Variants in MYBPH observed in about 807,000 individuals in gnomAD.
The protein encoded by MYBPH is myosin-binding protein H.
A neutral mutation model predicts 53.6 loss-of-function variants in MYBPH; 49 were observed. The ratio of observed to expected loss-of-function variants is 0.91; its 90% CI spans 0.73 to 1.16. The LOEUF (loss-of-function observed/expected upper bound fraction) is 1.16. Ranked by LOEUF, MYBPH falls within the 50% of genes most tolerant of loss-of-function variation. MYBPH has a pLI of 0.00. For synonymous variants in MYBPH, 239 were observed against 249.6 expected (o/e 0.96, Z 0.40); for missense variants, 558 against 624.1 (o/e 0.89, Z 1.13).
At chr1:203,169,232 C>G (rs773097342) in intron 8 of MYBPH, 21 bp downstream of exon 8, 1 of 1,592,450 alleles carries the variant, frequency 6.3e-7, no homozygotes, top group African/African-American at 1.3e-5. Context: ...GCCCAGGGCA[C>G]AACAGGGCCT....
chr1:203,176,933 T>C (rs1647528504), upstream of MYBPH, among the ~76,000 whole-genome samples: 5 of 152,284 alleles, frequency 3.3e-5, no homozygotes, highest in South Asian at 1.0e-3. Flanking sequence ...TTATTTGTAA[T>C]TGTTGAAATG....
chr1:203,172,395 T>G (rs1448803529), intron 3 of MYBPH, among the ~76,000 whole-genome samples: 1 of 152,138 alleles, frequency 6.6e-6, no homozygotes, highest in African/African-American at 2.4e-5. Context: ...TGTCTCCCCC[T>G]GCTGGGGAGC....
rs775863738 is a variant in MYBPH, at chr1:203,170,331, C to T, written c.1053G>A (p.Ser351=). ...FSENLCGLST[S]ATVTKELAHI... ...GGGCGAGCTCCTTGGTGACGGTGGC[C>T]GAGGTGCTGAGTCCACACAGGTTTT... is the stretch of plus-strand genomic sequence containing the variant. Residue 351 remains serine, a synonymous_variant, in exon 7 of 11, where the codon TCG becomes TCA. Transcript: ENST00000255416. 5.1e-5 allele frequency: 82 copies of T among 1,614,032 alleles called. No individual in the cohort carries two copies. The highest frequency in any genetic ancestry group is 1.6e-4 in the Middle Eastern group (1 of 6,084).
At chr1:203,169,157 C>G (rs1655646897) in intron 8 of MYBPH, 65 bp from the exon 9 acceptor site, 14 of 1,592,154 alleles carry the variant, frequency 8.8e-6, no homozygotes, top group Non-Finnish European at 1.2e-5. Context: ...CAACAGCTAT[C>G]CCCAGGCTTA....
chr1:203,169,415 G>A, intron 7 of MYBPH, 26 bp from the exon 8 acceptor site: 1 of 1,554,058 alleles, frequency 6.4e-7, no homozygotes, highest in Non-Finnish European at 8.7e-7. Flanking sequence ...AAAGTCGGGT[G>A]CATCTGAGCT....
Position 203,169,235 on chromosome 1 carries a change from C to T in MYBPH, c.1230+18G>A, listed in dbSNP as rs766658100. 4.4e-6 allele frequency: 7 copies of T among 1,593,700 alleles called. No homozygotes were observed. The highest frequency in any genetic ancestry group is 1.2e-5 in the South Asian group (1 of 86,478). ...CTGCCCCCACCAGCCCAGGGCACAACAGGGCCTGGCCCCTCACCTTGGGTG... is the reference window on the plus strand; with the variant it reads ...CTGCCCCCACCAGCCCAGGGCACAATAGGGCCTGGCCCCTCACCTTGGGTG... On this transcript the variant is annotated intron_variant, in intron 8 of 10. Transcript: ENST00000255416.
chr1:203,174,396 G>A (rs1479678377), intron 3 of MYBPH, 34 bp downstream of exon 3: 7 of 1,546,704 alleles, frequency 4.5e-6, no homozygotes, highest in Middle Eastern at 3.4e-4. Context: ...TGTTTGGGAA[G>A]GGCTGGGTAG....
In MYBPH at chr1:203,171,748, A is replaced by C. The variant is rs181988126; in HGVS notation, c.598-170T>G. On this transcript the variant is annotated intron_variant, in intron 4 of 10. Transcript: ENST00000255416. The surrounding 1 kb of genome is among the most constrained non-coding windows in gnomAD (Gnocchi z 4.2). ...GGTGCTGCCCACAGCCACATCTTCC[A>C]GGTGTCCATCCCGCTCTGGGGGCCC... Among the ~76,000 whole-genome samples the C allele has an allele frequency of 8.2e-4, 125 of 152,254 alleles. No homozygotes were observed. Among genetic ancestry groups the C allele is most frequent in the Non-Finnish European group, 1.2e-3 (79 of 67,990 alleles).
Position 203,170,280 on chromosome 1 carries a change from C to G in MYBPH, c.1093+11G>C. ...GAGAGTTAGCACAGCCAGCTCCGGG[C>G]CCAAACCCACCTGCCTTCTGGATGT... On this transcript the variant is annotated intron_variant, in intron 7 of 10. Transcript: ENST00000255416. 6.2e-7 allele frequency: 1 copy of G among 1,613,754 alleles called. No homozygotes were observed. The highest frequency in any genetic ancestry group is 8.5e-7 in the Non-Finnish European group (1 of 1,179,836).
At position 203,171,305 on chromosome 1, in the gene MYBPH, A is replaced by G; in HGVS notation, c.793+78T>C. On this transcript the variant is annotated intron_variant, in intron 5 of 10. Coordinates refer to ENST00000255416, the MANE Select transcript of MYBPH (RefSeq NM_004997.3). This position sits in a 1 kb window ranked among gnomAD's most constrained non-coding sequence, Gnocchi z 4.2. ...TGCCACACTCCCTTGGCCTGCTCCC[A>G]TCAGCCATCAGCTCTGGGATAGGAG... The G allele has an allele frequency of 6.4e-7, 1 of 1,562,598 alleles. No individual in the cohort carries two copies. Among genetic ancestry groups the G allele is most frequent in the Non-Finnish European group, 8.7e-7 (1 of 1,151,582 alleles).
At chr1:203,178,636 T>C (rs1218705997), upstream of MYBPH, among the ~76,000 whole-genome samples, 1 of 152,222 alleles carries the variant, frequency 6.6e-6, no homozygotes, top group African/African-American at 2.4e-5. Flanking sequence ...CCTGCTAGCC[T>C]TCAGGAAACA....
At chr1:203,170,528 C>T in intron 6 of MYBPH, 78 bp from the exon 7 acceptor site, 1 of 1,538,978 alleles carries the variant, frequency 6.5e-7, no homozygotes. Context: ...CCTTTCCTCA[C>T]AGGAACTCAT....
Position 203,171,509 on chromosome 1 carries a change from G to A in MYBPH, c.667C>T (p.Arg223Cys), listed in dbSNP as rs77556926. The A allele has an allele frequency of 2.3e-3, 3,689 of 1,613,760 alleles. 6 individuals carry two copies. The highest frequency in any genetic ancestry group is 2.8e-3 in the Non-Finnish European group (3,330 of 1,179,982). Reference protein sequence around the residue: ...HALDSQRVSMRTGDQDSILFI... With the variant: ...HALDSQRVSMCTGDQDSILFI... ...AGGATGGAGTCCTGGTCCCCGGTGC[G>A]CATGCTCACCCGCTGGCTGTCCAGG... is the stretch of plus-strand genomic sequence containing the variant. Residue 223 changes from arginine to cysteine, a missense_variant, in exon 5 of 11, where the codon CGC becomes TGC. Transcript: ENST00000255416. The surrounding 1 kb of genome is among the most constrained non-coding windows in gnomAD (Gnocchi z 4.2).
intron 3 of MYBPH, among the ~76,000 whole-genome samples, chr1:203,172,241 C>T (rs547088096): frequency 6.6e-6 from 1 of 152,166 alleles, no homozygotes; most frequent in African/African-American, 2.4e-5. Flanking sequence ...CTTAAGGGAG[C>T]AGGAGGTTTC....
Position 203,172,014 on chromosome 1 carries a change from G to T in MYBPH, c.535C>A (p.His179Asn), listed in dbSNP as rs770801112. Residue 179 changes from histidine (H) to asparagine (N), a missense_variant, in exon 4 of 11, where the codon CAC becomes AAC. Transcript: ENST00000255416. Reference protein sequence around the residue: ...IEAPKIRVPRHLRQTYIRQVG... With the variant: ...IEAPKIRVPRNLRQTYIRQVG... ...TGGCGGATGTAGGTCTGACGGAGGT[G>T]GCGGGGGACACGGATCTTGGGGGCC... 33 of 1,322,588 alleles carry T rather than the reference G, an allele frequency of 2.5e-5. No homozygotes were observed. Among genetic ancestry groups the T allele is most frequent in the Non-Finnish European group, 3.1e-5 (32 of 1,028,240 alleles). 81.9% of individuals were successfully genotyped at this position (1,322,588 alleles called of 1,614,324 possible). A position where few individuals can be genotyped will look rare whatever the true frequency, so the allele number is the denominator to read the frequency against.
At position 203,174,521 on chromosome 1, in the gene MYBPH, G is replaced by T. The variant is rs1558145378; in HGVS notation, c.417C>A (p.Asp139Glu). 6.2e-7 allele frequency: 1 copy of T among 1,613,602 alleles called. No individual in the cohort carries two copies. ...QQTVRNLALG[D>E]KFLLRVSAVS... ...CTGCAGACACGCGCAGGAGGAACTT[G>T]TCTCCCAGAGCCAGGTTCCGCACAG... Residue 139 changes from aspartate to glutamate, a missense_variant, in exon 3 of 11, where the codon GAC becomes GAA. Physicochemically the swap from Asp to Glu is conservative, Grantham distance 45. Transcript: ENST00000255416.
At chr1:203,170,209 C>T in intron 7 of MYBPH, 82 bp downstream of exon 7, 2 of 1,548,304 alleles carry the variant, frequency 1.3e-6, no homozygotes, top group Non-Finnish European at 1.8e-6. Context: ...AGGAGAAACC[C>T]AGAGAGAGGG....
In MYBPH at chr1:203,174,594, G is replaced by C. The variant is rs1655763357; in HGVS notation, c.344C>G (p.Ser115Trp). Reference sequence around the variant, plus strand: ...CCGGGCACTCACAGGCACCCACTCCGAGGCTGAGGGGATGGAGAGAGTGTG... The same window carrying C: ...CCGGGCACTCACAGGCACCCACTCCCAGGCTGAGGGGATGGAGAGAGTGTG... ...YVLELCREGA[S>W]EWVPVSARPM... The change falls in exon 3 of 11, where the codon TCG becomes TGG. Residue 115 changes from serine (S) to tryptophan (W), a missense_variant. Coordinates refer to ENST00000255416, the MANE Select transcript of MYBPH (RefSeq NM_004997.3). 1 of 1,598,106 alleles carries C rather than the reference G, an allele frequency of 6.3e-7. No homozygotes were observed. Among genetic ancestry groups the C allele is most frequent in the Non-Finnish European group, 8.6e-7 (1 of 1,167,528 alleles).
chr1:203,176,111 TAGG>T (rs1242315668), upstream of MYBPH, among the ~76,000 whole-genome samples: 3 of 152,110 alleles, frequency 2.0e-5, no homozygotes, highest in Non-Finnish European at 4.4e-5. Flanking sequence ...GTCAGGGCAA[TAGG>T]AGGAAGAACT....
Sources: allele counts gnomAD v4.1 joint callset (sites outside exome capture counted in the v4.1 genomes callset), GRCh38; gene constraint gnomAD v4.1.1; non-coding constraint Gnocchi (gnomAD v3.1); transcripts MANE v1.5; gene names NCBI Gene and HGNC (gene_info 2026-07-23, HGNC 2026-07-21).